The following FHIT variants were observed in gnomAD, a reference collection of about 807,000 sequenced individuals.
FHIT encodes bis(5'-adenosyl)-triphosphatase.
A neutral mutation model predicts 17.9 loss-of-function variants in FHIT; 19 were observed. The ratio of observed to expected loss-of-function variants is 1.06; its 90% CI spans 0.74 to 1.56. The LOEUF is 1.56. Ranked by LOEUF, FHIT falls within the 40% of genes most tolerant of loss-of-function variation. FHIT has a pLI of 0.00. For synonymous variants in FHIT, 81 were observed against 69.7 expected, an observed-to-expected ratio of 1.16 and a Z score of -0.81; for missense variants, 248 against 189.2, an observed-to-expected ratio of 1.31 and a Z score of -1.82.
At chr3:60,755,165 T>G (rs2042547626) in intron 4 of FHIT, among the ~76,000 whole-genome samples, 1 of 152,094 alleles carries the variant, frequency 6.6e-6, no homozygotes, top group Non-Finnish European at 1.5e-5. Flanking sequence ...TCCAATCTCC[T>G]CTCCCTGGAA....
At chr3:60,973,742 C>G (rs1710124622) in intron 3 of FHIT, among the ~76,000 whole-genome samples, 2 of 152,124 alleles carry the variant, frequency 1.3e-5, no homozygotes, top group African/African-American at 4.8e-5. Context: ...TTGACCTTCA[C>G]TAGGCAATCA....
intron 5 of FHIT, among the ~76,000 whole-genome samples, chr3:60,269,798 G>GT (rs1184583998): frequency 1.3e-5 from 2 of 152,298 alleles, no homozygotes; most frequent in East Asian, 3.9e-4. Flanking sequence ...AAAGGAATCT[G>GT]TAAGTGTTAC....
At chr3:60,224,821 A>C (rs1704120641) in intron 5 of FHIT, among the ~76,000 whole-genome samples, 1 of 151,892 alleles carries the variant, frequency 6.6e-6, no homozygotes, top group Non-Finnish European at 1.5e-5. Flanking sequence ...CCCAGGTTCA[A>C]GCAATTCTCT....
chr3:60,488,620 G>C (rs2033939457), intron 5 of FHIT, among the ~76,000 whole-genome samples: 1 of 152,078 alleles, frequency 6.6e-6, no homozygotes, highest in Non-Finnish European at 1.5e-5. Context: ...CAGAGCAATA[G>C]CTATGTACAA....
chr3:61,171,103 C>T (rs1272139290), intron 2 of FHIT, among the ~76,000 whole-genome samples: 1 of 152,170 alleles, frequency 6.6e-6, no homozygotes, highest in Non-Finnish European at 1.5e-5. Flanking sequence ...TCCACAACCT[C>T]ACTAGCGTCT....
At position 59,792,018 on chromosome 3, in the gene FHIT, ATC is replaced by A. The variant is rs1358517657; in HGVS notation, c.349-39699_349-39698del. Among the ~76,000 whole-genome samples the A allele has an allele frequency of 6.1e-4, 50 of 81,574 alleles. 1 individual carries two copies. The highest frequency in any genetic ancestry group is 6.6e-3 in the Middle Eastern group (1 of 152). 53.5% of individuals were successfully genotyped at this position (81,574 alleles called of 152,430 possible). ...TATGGTAGTCTATGTCTTGGTTTTA[ATC>A]ATGGCTATGGTAGTCTATGTCTTGG... On this transcript the variant is annotated intron_variant, in intron 8 of 9. Transcript: ENST00000492590.
intron 3 of FHIT, among the ~76,000 whole-genome samples, chr3:61,018,106 T>C (rs1017893764): frequency 1.3e-5 from 2 of 152,136 alleles, no homozygotes; most frequent in African/African-American, 4.8e-5. Context: ...TTTATAATAA[T>C]CCATTTAGGT....
chr3:59,757,870 T>TATTA (rs1701300057), intron 8 of FHIT, among the ~76,000 whole-genome samples: 1 of 152,182 alleles, frequency 6.6e-6, no homozygotes, highest in Admixed American at 6.5e-5. Flanking sequence ...GATCCTCTCT[T>TATTA]ATTACTTTCT....
chr3:61,002,328 A>T (rs1215322535), intron 3 of FHIT, among the ~76,000 whole-genome samples: 3 of 152,186 alleles, frequency 2.0e-5, no homozygotes, highest in African/African-American at 7.2e-5. Flanking sequence ...CAGTGGCCCA[A>T]GCACAGTTTA....
chr3:61,092,148 C>T (rs2106816215), intron 2 of FHIT, among the ~76,000 whole-genome samples: 1 of 151,856 alleles, frequency 6.6e-6, no homozygotes, highest in South Asian at 2.1e-4. Context: ...TTGGGCACTG[C>T]CTTGGTCACA....
At chr3:60,262,526 A>G (rs982540609) in intron 5 of FHIT, among the ~76,000 whole-genome samples, 2 of 152,020 alleles carry the variant, frequency 1.3e-5, no homozygotes, top group East Asian at 1.9e-4. Context: ...AGATATGACT[A>G]TTCTTACTCT....
chr3:59,902,909 C>G (rs1022523698), intron 8 of FHIT, among the ~76,000 whole-genome samples: 6 of 152,152 alleles, frequency 3.9e-5, no homozygotes, highest in Admixed American at 2.0e-4. Flanking sequence ...ATATTGTATA[C>G]TTGAAATTTG....
chr3:60,637,906 CATG>C (rs1194262002), intron 4 of FHIT, among the ~76,000 whole-genome samples: 2 of 152,102 alleles, frequency 1.3e-5, no homozygotes, highest in African/African-American at 2.4e-5. Context: ...AGGAAATAGA[CATG>C]ATGAATTGGC....
chr3:60,173,915 A>ATATATATATATATATATATATTT, intron 5 of FHIT, among the ~76,000 whole-genome samples: 1 of 66,440 alleles, frequency 1.5e-5, no homozygotes, highest in Non-Finnish European at 2.8e-5. Flanking sequence ...ATATATATAT[A>ATATATATATATATATATATATTT]TGTTTTTTTT....
intron 5 of FHIT, among the ~76,000 whole-genome samples, chr3:60,318,710 ACT>A (rs1303106616): frequency 6.6e-6 from 1 of 152,100 alleles, no homozygotes; most frequent in Admixed American, 6.5e-5. Flanking sequence ...AAAGTTTCTG[ACT>A]CTCTGCATTC....
At chr3:60,534,705 G>T (rs2035919574) in intron 5 of FHIT, among the ~76,000 whole-genome samples, 1 of 152,040 alleles carries the variant, frequency 6.6e-6, no homozygotes, top group Non-Finnish European at 1.5e-5. Flanking sequence ...ACAAACTGAA[G>T]TGTGTTAATT....
Position 59,926,862 on chromosome 3 carries a change from C to T in FHIT, c.280-4448G>A, listed in dbSNP as rs1168545052. On this transcript the variant is annotated intron_variant, in intron 7 of 9. Coordinates refer to ENST00000492590, the MANE Select transcript of FHIT (RefSeq NM_002012.4). The stretch of plus-strand genomic sequence containing the variant: ...CCAGAGTGTGGAGAGCTGGAACCCT[C>T]CTACACTACTGGGGATGTAAAATCA... 1.3e-5 allele frequency among the ~76,000 whole-genome samples: 2 copies of T among 152,300 alleles called. 1 individual carries two copies. The highest frequency in any genetic ancestry group is 6.8e-3 in the Middle Eastern group (2 of 294).
At chr3:61,082,221 A>G (rs761690416) in intron 2 of FHIT, among the ~76,000 whole-genome samples, 3 of 152,230 alleles carry the variant, frequency 2.0e-5, no homozygotes, top group Non-Finnish European at 4.4e-5. Flanking sequence ...TCCTAGAAGC[A>G]CATTTCATAT....
intron 4 of FHIT, among the ~76,000 whole-genome samples, chr3:60,607,834 T>G (rs1270363842): frequency 1.3e-5 from 2 of 152,180 alleles, no homozygotes; most frequent in East Asian, 3.9e-4. Context: ...ATTCATATTC[T>G]TGAGAAGTAG....
Sources: gnomAD v4.1 joint callset for allele counts (sites outside exome capture counted in the v4.1 genomes callset) on GRCh38, gnomAD v4.1.1 for gene constraint, MANE v1.5 for transcripts, NCBI Gene and HGNC (gene_info 2026-07-23, HGNC 2026-07-21) for gene names.